The following CAST variants were observed in gnomAD, a reference collection of about 807,000 sequenced individuals.
CAST encodes the protein calpastatin.
CAST carries 76 observed loss-of-function variants against 119.6 expected under a neutral mutation model. The observed-to-expected ratio is 0.64, with a 90% confidence interval of 0.53 to 0.77. The LOEUF (loss-of-function observed/expected upper bound fraction) is 0.77, where lower values mean the gene tolerates loss of function less well. Ranked by LOEUF, CAST falls within the 30% of genes least tolerant of loss-of-function variation. The probability of loss-of-function intolerance (pLI) is 0.00; values close to 1 mark genes in which losing one functional copy is unlikely to be tolerated. For missense variants in CAST, 953 were observed against 946.5 expected, an observed-to-expected ratio of 1.01 and a Z score of -0.09; for synonymous variants, 319 against 331.6, an observed-to-expected ratio of 0.96 and a Z score of 0.41.
intron 1 of CAST, among the ~76,000 whole-genome samples, chr5:96,626,758 A>G (rs970152582): frequency 5.3e-5 from 8 of 152,190 alleles, no homozygotes; most frequent in Non-Finnish European, 8.8e-5. Flanking sequence ...TTCTCCGCTA[A>G]AATTAAACAA....
the CAST span, among the ~76,000 whole-genome samples, chr5:96,021,903 T>G: frequency 6.6e-6 from 1 of 152,236 alleles, no homozygotes; most frequent in African/African-American, 2.4e-5. Context: ...GTCTTGCCTA[T>G]CATTGGATTC....
At chr5:96,506,019 T>C in the CAST span, among the ~76,000 whole-genome samples, 1 of 152,252 alleles carries the variant, frequency 6.6e-6, no homozygotes, top group Non-Finnish European at 1.5e-5. Flanking sequence ...TTTCCAATTT[T>C]ATTTCTGCTA....
chr5:96,194,173 C>G, the CAST span, among the ~76,000 whole-genome samples: 1 of 152,112 alleles, frequency 6.6e-6, no homozygotes, highest in Non-Finnish European at 1.5e-5. Context: ...CTCTTTGAAC[C>G]CTGTTCCCTG....
At chr5:96,399,056 A>G in the CAST span, 4 of 1,576,416 alleles carry the variant, frequency 2.5e-6, no homozygotes, top group East Asian at 4.5e-5. Context: ...TTAAAGAATC[A>G]GCATTGAATA....
the CAST span, among the ~76,000 whole-genome samples, chr5:95,994,892 G>A: frequency 5.2e-4 from 79 of 152,224 alleles, no homozygotes; most frequent in African/African-American, 1.8e-3. Flanking sequence ...GCAGAAAGGA[G>A]TAATTTTCTG....
chr5:96,390,759 A>G, the CAST span: 1 of 152,614 alleles, frequency 6.6e-6, no homozygotes, highest in African/African-American at 2.4e-5. Context: ...TCTCTTTGAC[A>G]TTTTCACAAA....
the CAST span, among the ~76,000 whole-genome samples, chr5:96,261,326 G>A: frequency 6.6e-6 from 1 of 152,166 alleles, no homozygotes; most frequent in Non-Finnish European, 1.5e-5. Context: ...TGACAAATCT[G>A]TTTTCTGAGA....
chr5:96,259,103 A>T, the CAST span, among the ~76,000 whole-genome samples: 1 of 152,162 alleles, frequency 6.6e-6, no homozygotes, highest in Non-Finnish European at 1.5e-5. Context: ...TTTATTCCCA[A>T]TTTTTTTAGC....
At chr5:96,501,231 A>G in the CAST span, among the ~76,000 whole-genome samples, 2 of 152,220 alleles carry the variant, frequency 1.3e-5, no homozygotes, top group Admixed American at 6.5e-5. Flanking sequence ...TAAATAATAC[A>G]GGACAAAAAA....
the CAST span, among the ~76,000 whole-genome samples, chr5:96,455,458 G>A: frequency 3.1e-4 from 47 of 152,312 alleles, no homozygotes; most frequent in South Asian, 9.5e-3. Flanking sequence ...AATAAACCTT[G>A]GCAACATGGT....
chr5:96,188,693 A>G, the CAST span, among the ~76,000 whole-genome samples: 4 of 152,132 alleles, frequency 2.6e-5, no homozygotes, highest in Non-Finnish European at 5.9e-5. Flanking sequence ...TATTCTGAAA[A>G]TGTTATTAAA....
At chr5:96,182,319 A>T in the CAST span, among the ~76,000 whole-genome samples, 58 of 152,348 alleles carry the variant, frequency 3.8e-4, no homozygotes, top group African/African-American at 1.3e-3. Context: ...CTGGTGGAGA[A>T]GTCCTTACTT....
chr5:96,218,063 A>G, the CAST span, among the ~76,000 whole-genome samples: 10 of 152,346 alleles, frequency 6.6e-5, 1 homozygote, highest in Non-Finnish European at 1.0e-4. Flanking sequence ...AGTAATAATC[A>G]AGAAAAAGTG....
the CAST span, among the ~76,000 whole-genome samples, chr5:96,299,010 C>T: frequency 6.6e-5 from 10 of 151,648 alleles, no homozygotes; most frequent in East Asian, 3.9e-4. Flanking sequence ...GAGGCCGAGG[C>T]GGATGGATCA....
intron 1 of CAST, among the ~76,000 whole-genome samples, chr5:96,536,337 C>T (rs900730911): frequency 6.6e-6 from 1 of 151,806 alleles, no homozygotes; most frequent in Non-Finnish European, 1.5e-5. Flanking sequence ...CCAGCCTGGG[C>T]GACAAGAGCA....
intron 11 of CAST, among the ~76,000 whole-genome samples, chr5:96,739,193 C>T (rs1383601814): frequency 6.6e-6 from 1 of 152,124 alleles, no homozygotes; most frequent in Admixed American, 6.6e-5. Context: ...TCTGACAATT[C>T]CTATAGTTTT....
chr5:96,542,644 T>C (rs1745934628), intron 1 of CAST, among the ~76,000 whole-genome samples: 1 of 146,372 alleles, frequency 6.8e-6, no homozygotes, highest in South Asian at 2.2e-4. Flanking sequence ...TTTTGTTCTA[T>C]TTTGTTTTCT....
At chr5:96,045,462 G>C in the CAST span, among the ~76,000 whole-genome samples, 1 of 150,454 alleles carries the variant, frequency 6.6e-6, no homozygotes, top group African/African-American at 2.4e-5. Context: ...TTTTTTCTTT[G>C]AAAAAACCAT....
the CAST span, among the ~76,000 whole-genome samples, chr5:96,346,903 G>A: frequency 1.3e-5 from 2 of 152,094 alleles, no homozygotes; most frequent in Non-Finnish European, 2.9e-5. Context: ...GGGCAGAAAG[G>A]CAAACCTATA....
Sources: gnomAD v4.1 joint callset for allele counts (sites outside exome capture counted in the v4.1 genomes callset) on GRCh38, gnomAD v4.1.1 for gene constraint, MANE v1.5 for transcripts, NCBI Gene and HGNC (gene_info 2026-07-23, HGNC 2026-07-21) for gene names.